The following RARB variants were observed in gnomAD, a reference collection of about 807,000 sequenced individuals.
RARB encodes the protein HBV-activated protein.
A neutral mutation model predicts 51.9 loss-of-function variants in RARB; 17 were observed. That is an observed-to-expected ratio of 0.33 (90% CI 0.22 to 0.49). The LOEUF is 0.49. Ranked by LOEUF, RARB falls within the 20% of genes least tolerant of loss-of-function variation. The pLI is 0.99. For missense variants in RARB, 369 were observed against 550.8 expected (o/e 0.67, Z 3.30); for synonymous variants, 215 against 195.4 (o/e 1.10, Z -0.84).
chr3:25,214,657 AGCTG>A (rs1701777471), intron 5 of RARB, among the ~76,000 whole-genome samples: 1 of 152,176 alleles, frequency 6.6e-6, no homozygotes, highest in African/African-American at 2.4e-5. Flanking sequence ...ACTTGGGTGG[AGCTG>A]GCTCAATTTA....
At chr3:25,179,418 G>A (rs1001175749) in intron 5 of RARB, among the ~76,000 whole-genome samples, 2 of 152,132 alleles carry the variant, frequency 1.3e-5, no homozygotes, top group African/African-American at 4.8e-5. Context: ...TTAAACTTAT[G>A]CAATGACTCT....
intron 5 of RARB, among the ~76,000 whole-genome samples, chr3:25,292,549 GTTC>G (rs1287177506): frequency 6.6e-6 from 1 of 152,148 alleles, no homozygotes; most frequent in Non-Finnish European, 1.5e-5. Context: ...AGATGAAAAA[GTTC>G]TTCTAAAACA....
At chr3:25,337,783 C>T (rs1429545069) in intron 5 of RARB, among the ~76,000 whole-genome samples, 1 of 151,866 alleles carries the variant, frequency 6.6e-6, no homozygotes, top group Admixed American at 6.6e-5. Context: ...CTTTTTTGCC[C>T]TAGAATGTAC....
At chr3:25,018,609 T>C (rs1697564423) in intron 2 of RARB, among the ~76,000 whole-genome samples, 1 of 152,166 alleles carries the variant, frequency 6.6e-6, no homozygotes, top group South Asian at 2.1e-4. Flanking sequence ...ACCGAGCCCA[T>C]ATGAGCAGGT....
intron 3 of RARB, among the ~76,000 whole-genome samples, chr3:25,108,130 C>G (rs981522095): frequency 6.6e-6 from 1 of 152,098 alleles, no homozygotes; most frequent in Non-Finnish European, 1.5e-5. Context: ...ATTCATGTCT[C>G]GGGCAAGATG....
intron 2 of RARB, among the ~76,000 whole-genome samples, chr3:24,971,106 C>T (rs537171565): frequency 3.8e-4 from 58 of 151,976 alleles, no homozygotes; most frequent in Non-Finnish European, 1.5e-5. Context: ...TAATCAGATC[C>T]TAACAGGTGA....
At chr3:25,318,737 A>C (rs1704489774) in intron 5 of RARB, among the ~76,000 whole-genome samples, 1 of 152,200 alleles carries the variant, frequency 6.6e-6, no homozygotes, top group Non-Finnish European at 1.5e-5. Context: ...CAGCCACCAT[A>C]ACAGTGCTTA....
chr3:25,080,733 C>A (rs536303212), intron 3 of RARB, among the ~76,000 whole-genome samples: 1 of 152,198 alleles, frequency 6.6e-6, no homozygotes, highest in East Asian at 1.9e-4. Flanking sequence ...TATATTTAAG[C>A]CACTTGCCTA....
At chr3:25,563,473 C>T (rs1700356235) in intron 3 of RARB, among the ~76,000 whole-genome samples, 1 of 152,174 alleles carries the variant, frequency 6.6e-6, no homozygotes, top group East Asian at 1.9e-4. Flanking sequence ...AGGAAAAAGA[C>T]ACAGTCCCCA....
intron 4 of RARB, among the ~76,000 whole-genome samples, chr3:25,141,049 A>C (rs991499654): frequency 6.6e-6 from 1 of 152,128 alleles, no homozygotes. Flanking sequence ...GACTAACTTT[A>C]TTACAATATT....
intron 2 of RARB, among the ~76,000 whole-genome samples, chr3:25,017,252 A>G (rs1313152074): frequency 4.1e-5 from 6 of 144,694 alleles, no homozygotes; most frequent in Non-Finnish European, 7.5e-5. Flanking sequence ...AATCTCTAAG[A>G]AGTGAACTCG....
In RARB at chr3:25,200,521, T is replaced by C. The variant is rs377554603; in HGVS notation, c.178+25946T>C. ...TTTAGACATGAAGTCCTTGCCCATGTCTATGTCCTGAATGGTATTGCCTAG... is the reference window on the plus strand; with the variant it reads ...TTTAGACATGAAGTCCTTGCCCATGCCTATGTCCTGAATGGTATTGCCTAG... On this transcript the variant is annotated intron_variant, in intron 5 of 11. Transcript: ENST00000383772. Among the ~76,000 whole-genome samples the C allele has an allele frequency of 5.7e-3, 864 of 152,022 alleles. 13 individuals are homozygous for C. Among genetic ancestry groups the C allele is most frequent in the East Asian group, 0.028 (143 of 5,152 alleles).
chr3:25,229,341 C>A (rs1702124808), intron 5 of RARB, among the ~76,000 whole-genome samples: 1 of 151,996 alleles, frequency 6.6e-6, no homozygotes, highest in African/African-American at 2.4e-5. Context: ...ATATGAATTT[C>A]TTTCTGAAGG....
intron 1 of RARB, among the ~76,000 whole-genome samples, chr3:25,431,611 T>G (rs1352302547): frequency 6.6e-6 from 1 of 152,148 alleles, no homozygotes; most frequent in African/African-American, 2.4e-5. Flanking sequence ...AATTGCTCAG[T>G]GGGTATAGGA....
chr3:25,161,006 TTTGTTG>T (rs879753755), intron 4 of RARB, among the ~76,000 whole-genome samples: 2 of 151,540 alleles, frequency 1.3e-5, no homozygotes, highest in Non-Finnish European at 2.9e-5. Context: ...TCATCTCCTT[TTTGTTG>T]TTGTTGTTGT....
chr3:25,358,869 G>C (rs961228939), intron 5 of RARB, among the ~76,000 whole-genome samples: 3 of 152,104 alleles, frequency 2.0e-5, no homozygotes, highest in Admixed American at 6.6e-5. Context: ...TGTGCTGCTG[G>C]ATTCAGTTTG....
chr3:24,870,360 T>C (rs1049730581), intron 2 of RARB, among the ~76,000 whole-genome samples: 4 of 152,104 alleles, frequency 2.6e-5, no homozygotes, highest in South Asian at 2.1e-4. Flanking sequence ...TTTTCCATAA[T>C]AGGAAAACTA....
chr3:25,396,994 A>C (rs980168882), intron 5 of RARB, among the ~76,000 whole-genome samples: 1 of 152,104 alleles, frequency 6.6e-6, no homozygotes, highest in African/African-American at 2.4e-5. Context: ...TTCAGGCCCC[A>C]CTGCTCTCTC....
At chr3:24,899,172 A>G (rs995311118) in intron 2 of RARB, among the ~76,000 whole-genome samples, 1 of 152,182 alleles carries the variant, frequency 6.6e-6, no homozygotes, top group Admixed American at 6.5e-5. Flanking sequence ...TTCAATCACT[A>G]TTAAAAATTT....
Sources: allele counts gnomAD v4.1 joint callset (sites outside exome capture counted in the v4.1 genomes callset), GRCh38; gene constraint gnomAD v4.1.1; transcripts MANE v1.5; gene names NCBI Gene and HGNC (gene_info 2026-07-23, HGNC 2026-07-21).